The following BMP6 variants were observed in gnomAD, a reference collection of about 807,000 sequenced individuals.
The protein encoded by BMP6 is VG-1-R.
BMP6 carries 17 observed loss-of-function variants against 54.1 expected under a neutral mutation model. The ratio of observed to expected loss-of-function variants is 0.31; its 90% CI spans 0.22 to 0.47. The LOEUF is 0.47. Ranked by LOEUF, BMP6 falls within the 20% of genes least tolerant of loss-of-function variation. The pLI, the probability that BMP6 is intolerant of heterozygous loss-of-function variation, is 1.00. For synonymous variants in BMP6, 328 were observed against 291.2 expected (o/e 1.13, Z -1.28); for missense variants, 720 against 690.4 (o/e 1.04, Z -0.48).
intron 2 of BMP6, among the ~76,000 whole-genome samples, chr6:7,856,120 T>TAAGAAAAAA (rs1759227909): frequency 1.2e-5 from 1 of 83,664 alleles, no homozygotes; most frequent in Non-Finnish European, 2.2e-5. Context: ...TCAAAGACTG[T>TAAGAAAAAA]AAAAAAAAAA....
chr6:7,777,630 A>C (rs566467460), intron 1 of BMP6, among the ~76,000 whole-genome samples: 1 of 152,258 alleles, frequency 6.6e-6, no homozygotes, highest in African/African-American at 2.4e-5. Context: ...GGTGAATATT[A>C]AAACAAACAC....
chr6:7,870,051 C>G (rs1416583229), intron 4 of BMP6, among the ~76,000 whole-genome samples: 1 of 152,194 alleles, frequency 6.6e-6, no homozygotes, highest in Non-Finnish European at 1.5e-5. Context: ...GACTCCATCA[C>G]TGTGTCCTCC....
chr6:7,818,338 AC>A (rs1373516832), intron 1 of BMP6, among the ~76,000 whole-genome samples: 1 of 152,016 alleles, frequency 6.6e-6, no homozygotes, highest in Non-Finnish European at 1.5e-5. Context: ...GGGTGAAAAA[AC>A]AGAAAAGATT....
chr6:7,806,587 G>GA (rs1269862259), intron 1 of BMP6, among the ~76,000 whole-genome samples: 2 of 148,268 alleles, frequency 1.3e-5, no homozygotes, highest in African/African-American at 2.5e-5. Context: ...CTGACAACCA[G>GA]AAAAAACAAA....
intron 4 of BMP6, among the ~76,000 whole-genome samples, chr6:7,873,196 G>A (rs1759556382): frequency 6.6e-6 from 1 of 152,160 alleles, no homozygotes; most frequent in African/African-American, 2.4e-5. Context: ...CAGACACCAG[G>A]CACAAGTGAG....
At chr6:7,861,300 C>A in intron 2 of BMP6, 151 bp from the exon 3 acceptor site, 1 of 1,006,300 alleles carries the variant, frequency 9.9e-7, no homozygotes, top group Non-Finnish European at 1.5e-6. Flanking sequence ...GGTACCACGC[C>A]TTTCAGGGCT....
Position 7,726,929 on chromosome 6 carries a change from C to T in BMP6, c.-27C>T, listed in dbSNP as rs1177636344. ...TCCGCCGCTCCACGCCTCGCGGGAT[C>T]CGCGGGGGCAGCCCGGCCGGGCGGG... On this transcript the variant is annotated 5_prime_UTR_variant, in exon 1 of 7. Transcript: ENST00000283147. 2.7e-6 allele frequency: 3 copies of T among 1,130,776 alleles called. No individual in the cohort carries two copies. The highest frequency in any genetic ancestry group is 4.9e-5 in the Admixed American group (1 of 20,300). 70.0% of individuals were successfully genotyped at this position (1,130,776 alleles called of 1,614,324 possible).
At chr6:7,816,657 GGTTT>G (rs1451683917) in intron 1 of BMP6, among the ~76,000 whole-genome samples, 1 of 152,026 alleles carries the variant, frequency 6.6e-6, no homozygotes, top group Non-Finnish European at 1.5e-5. Context: ...TTAGACTAAT[GGTTT>G]GTTTATTAAT....
chr6:7,732,067 G>A (rs747551770), intron 1 of BMP6, among the ~76,000 whole-genome samples: 1 of 152,094 alleles, frequency 6.6e-6, no homozygotes, highest in Non-Finnish European at 1.5e-5. Context: ...GAAGAAAAAT[G>A]GAATACTCCC....
At chr6:7,797,477 C>T (rs1362074920) in intron 1 of BMP6, among the ~76,000 whole-genome samples, 2 of 152,148 alleles carry the variant, frequency 1.3e-5, no homozygotes, top group Non-Finnish European at 2.9e-5. Flanking sequence ...TAGCAATCAA[C>T]CTTGGCAAAC....
At chr6:7,750,654 AT>A (rs1263617414) in intron 1 of BMP6, among the ~76,000 whole-genome samples, 3 of 152,070 alleles carry the variant, frequency 2.0e-5, no homozygotes, top group Admixed American at 6.6e-5. Context: ...GGAACTTGAA[AT>A]TTTTTTTAAA....
intron 1 of BMP6, among the ~76,000 whole-genome samples, chr6:7,751,270 G>A (rs148506148): frequency 5.3e-5 from 8 of 152,330 alleles, no homozygotes; most frequent in African/African-American, 1.9e-4. Context: ...CTCTGGCAAA[G>A]AAATGGAGCT....
At chr6:7,779,380 C>T (rs1039614373) in intron 1 of BMP6, among the ~76,000 whole-genome samples, 1 of 152,074 alleles carries the variant, frequency 6.6e-6, no homozygotes, top group Non-Finnish European at 1.5e-5. Flanking sequence ...TTTGCACATC[C>T]CAGGCTGGAG....
chr6:7,862,225 G>A, intron 3 of BMP6, 76 bp from the exon 4 acceptor site: 1 of 1,500,286 alleles, frequency 6.7e-7, no homozygotes, highest in Non-Finnish European at 9.3e-7. Context: ...AAACTAGGAA[G>A]TATCCCTTAA....
intron 1 of BMP6, among the ~76,000 whole-genome samples, chr6:7,738,654 C>T (rs906155782): frequency 2.0e-5 from 3 of 152,180 alleles, no homozygotes; most frequent in African/African-American, 2.4e-5. Context: ...GTTGAGAAAC[C>T]CCAGGCTAGA....
At chr6:7,875,096 G>A (rs1759588117) in intron 4 of BMP6, among the ~76,000 whole-genome samples, 1 of 152,156 alleles carries the variant, frequency 6.6e-6, no homozygotes, top group Non-Finnish European at 1.5e-5. Flanking sequence ...AGTGGTGTAA[G>A]TCCTAGTTGG....
intron 1 of BMP6, among the ~76,000 whole-genome samples, chr6:7,805,613 A>C (rs1287446235): frequency 6.6e-6 from 1 of 152,246 alleles, no homozygotes; most frequent in African/African-American, 2.4e-5. Flanking sequence ...AGTTTCATAG[A>C]GGTTTCAGAT....
chr6:7,844,081 A>G (rs1356047192), intron 1 of BMP6, among the ~76,000 whole-genome samples: 4 of 151,162 alleles, frequency 2.6e-5, no homozygotes, highest in Admixed American at 1.3e-4. Flanking sequence ...CCTCCATTCT[A>G]TTTTCTGCTT....
chr6:7,856,610 T>G (rs112785245), intron 2 of BMP6, among the ~76,000 whole-genome samples: 3 of 122,150 alleles, frequency 2.5e-5, no homozygotes, highest in Non-Finnish European at 3.4e-5. Context: ...TTTTTTTTTT[T>G]TTTTGAGACG....
Sources: gnomAD v4.1 joint callset for allele counts (sites outside exome capture counted in the v4.1 genomes callset) on GRCh38, gnomAD v4.1.1 for gene constraint, MANE v1.5 for transcripts, NCBI Gene and HGNC (gene_info 2026-07-23, HGNC 2026-07-21) for gene names.